Variants in AVEN observed in about 807,000 individuals in gnomAD.
The protein encoded by AVEN is apoptosis and caspase activation inhibitor, also known as cell death regulator Aven.
A neutral mutation model predicts 38.1 loss-of-function variants in AVEN; 41 were observed. The observed-to-expected ratio is 1.08, with a 90% confidence interval of 0.84 to 1.40. AVEN has a LOEUF of 1.40. Among genes scored for constraint, AVEN ranks in the 40% most tolerant of loss-of-function variants. The pLI is 0.00. For synonymous variants in AVEN, 206 were observed against 171.8 expected (o/e 1.20, Z -1.56); for missense variants, 605 against 438.8 (o/e 1.38, Z -3.38).
Position 33,922,577 on chromosome 15 carries a change from G to A in AVEN, c.446-46582C>T, listed in dbSNP as rs554826539. Among the ~76,000 whole-genome samples, 134 of 152,180 alleles carry A rather than the reference G, an allele frequency of 8.8e-4. 1 individual carries two copies. Among genetic ancestry groups the A allele is most frequent in the African/African-American group, 3.0e-3 (126 of 41,518 alleles). On this transcript the variant is annotated intron_variant, in intron 2 of 5. Coordinates refer to ENST00000306730, the MANE Select transcript of AVEN (RefSeq NM_020371.3). Reference sequence around the variant, plus strand: ...AGCCTCCTGAGCAGCTGGGACTACTGGCATGTACCACCACACCCAGCTAAT... The same window carrying A: ...AGCCTCCTGAGCAGCTGGGACTACTAGCATGTACCACCACACCCAGCTAAT...
At chr15:34,066,125 G>C (rs1258984647) in exon 4 of AVEN, 2 of 152,224 alleles carry the variant, frequency 1.3e-5, no homozygotes, top group South Asian at 4.1e-4. Flanking sequence ...TGTAAGCAGT[G>C]CATCTGCTGA....
chr15:33,867,052 C>T (rs528308890), intron 5 of AVEN, among the ~76,000 whole-genome samples: 2 of 152,152 alleles, frequency 1.3e-5, no homozygotes, highest in African/African-American at 4.8e-5. Context: ...CCTTAGGCCC[C>T]TCTACATCAG....
downstream of AVEN, among the ~76,000 whole-genome samples, chr15:33,863,512 C>T (rs112722960): frequency 5.3e-3 from 810 of 152,310 alleles, 7 homozygotes; most frequent in African/African-American, 0.018. Flanking sequence ...CCTTTGGAAA[C>T]GGTCTCTGAG....
upstream of AVEN, among the ~76,000 whole-genome samples, chr15:34,044,096 G>GA (rs769916088): frequency 4.7e-3 from 603 of 128,408 alleles, 2 homozygotes; most frequent in Middle Eastern, 0.018. Flanking sequence ...TAAAAAAAAT[G>GA]AAAAAAAAAA....
downstream of AVEN, chr15:33,856,519 A>G (rs2079677056): frequency 1.3e-5 from 2 of 152,312 alleles, no homozygotes; most frequent in Non-Finnish European, 2.9e-5. Flanking sequence ...TCTCTGTAAT[A>G]AAAAGTGTGA....
downstream of AVEN, chr15:33,855,912 A>C (rs1400991744): frequency 2.0e-5 from 3 of 152,142 alleles, no homozygotes; most frequent in Non-Finnish European, 4.4e-5. Context: ...TTCATTCCTC[A>C]TTAAGTACAA....
chr15:33,860,953 G>C, intron 11 of AVEN: 1 of 723,564 alleles, frequency 1.4e-6, no homozygotes, highest in Non-Finnish European at 2.3e-6. Flanking sequence ...CTGAGTGAAT[G>C]ACTAATAGCC....
chr15:34,042,748 AGTT>A (rs1339677017), upstream of AVEN, among the ~76,000 whole-genome samples: 1 of 152,086 alleles, frequency 6.6e-6, no homozygotes. Context: ...TCCTTAAGGT[AGTT>A]GTTCTCAAAA....
At chr15:33,990,703 A>G (rs181830256) in intron 2 of AVEN, 1 of 152,368 alleles carries the variant, frequency 6.6e-6, no homozygotes, top group East Asian at 1.9e-4. Flanking sequence ...AAATGGTGAT[A>G]GTGAAAACAA....
downstream of AVEN, among the ~76,000 whole-genome samples, chr15:33,862,767 T>C (rs117151942): frequency 0.033 from 4,948 of 152,184 alleles, 161 homozygotes; most frequent in Non-Finnish European, 0.039. Context: ...CCTGCCACCA[T>C]CCTGGGCTAA....
At chr15:33,895,631 T>C (rs1487821365) in intron 2 of AVEN, among the ~76,000 whole-genome samples, 1 of 152,170 alleles carries the variant, frequency 6.6e-6, no homozygotes, top group East Asian at 1.9e-4. Flanking sequence ...AGCCCAGTCA[T>C]AACTACTTCT....
At position 33,866,597 on chromosome 15, in the gene AVEN, A is replaced by ACTTTTTTTCCCCTT. The variant is rs1890542112; in HGVS notation, c.*2_*15dup. 1.2e-6 allele frequency: 2 copies of ACTTTTTTTCCCCTT among 1,602,798 alleles called. No individual in the cohort carries two copies. The stretch of plus-strand genomic sequence containing the variant: ...AAGGCAACCAAGATTTGCTTCAGGC[A>ACTTTTTTTCCCCTT]CTTTTTTTCCCCTTTTTAGGAAATC... On this transcript the variant is annotated 3_prime_UTR_variant, in exon 6 of 6. Coordinates refer to ENST00000306730, the MANE Select transcript of AVEN (RefSeq NM_020371.3).
chr15:33,858,447 T>C (rs887510581), downstream of AVEN, among the ~76,000 whole-genome samples: 4 of 151,704 alleles, frequency 2.6e-5, no homozygotes, highest in African/African-American at 9.7e-5. Context: ...CCTCAGGTGA[T>C]CTGCCCACCT....
At chr15:33,901,332 T>C (rs1347606079) in intron 2 of AVEN, among the ~76,000 whole-genome samples, 2 of 152,160 alleles carry the variant, frequency 1.3e-5, no homozygotes, top group East Asian at 1.9e-4. Context: ...GGACTAGATA[T>C]TCACACACTA....
At chr15:34,020,427 A>C (rs1213917241) in intron 1 of AVEN, among the ~76,000 whole-genome samples, 1 of 152,232 alleles carries the variant, frequency 6.6e-6, no homozygotes, top group African/African-American at 2.4e-5. Flanking sequence ...AAGGAGGCAA[A>C]TTAGAAATTT....
At chr15:34,013,478 G>A (rs1897726680) in intron 1 of AVEN, among the ~76,000 whole-genome samples, 1 of 152,182 alleles carries the variant, frequency 6.6e-6, no homozygotes, top group Non-Finnish European at 1.5e-5. Context: ...TGTCTGTCCT[G>A]CAATATGTCC....
At chr15:34,073,964 AG>A in intron 1 of AVEN, among the ~76,000 whole-genome samples, 1 of 142,924 alleles carries the variant, frequency 7.0e-6, no homozygotes, top group South Asian at 2.2e-4. Flanking sequence ...TACTGTTTGG[AG>A]GAACTTTCTT....
chr15:34,064,599 A>C, intron 4 of AVEN: 1 of 418,112 alleles, frequency 2.4e-6, no homozygotes, highest in African/African-American at 2.0e-5. Flanking sequence ...AAGAGGAAGC[A>C]CACTGGGTAA....
rs2153037547 is a variant in AVEN at position 33,879,942 on chromosome 15, A to G, written c.446-3947T>C. On this transcript the variant is annotated intron_variant, in intron 2 of 5. Coordinates refer to ENST00000306730, the MANE Select transcript of AVEN (RefSeq NM_020371.3). ...ACATTATGATTTTCAATAAAAATAAAAGCAAACTATATGACAAAGCAGAAA... is the reference window on the plus strand; with the variant it reads ...ACATTATGATTTTCAATAAAAATAAGAGCAAACTATATGACAAAGCAGAAA... 2.6e-5 allele frequency among the ~76,000 whole-genome samples: 4 copies of G among 152,324 alleles called. 1 individual carries two copies. In the Middle Eastern group the frequency reaches 0.014, roughly 518 times the overall value.
Sources: allele counts gnomAD v4.1 joint callset (sites outside exome capture counted in the v4.1 genomes callset), GRCh38; gene constraint gnomAD v4.1.1; transcripts MANE v1.5; gene names NCBI Gene and HGNC (gene_info 2026-07-23, HGNC 2026-07-21).